DIAPH2: variants seen among roughly 807,000 people sequenced by gnomAD.
The protein encoded by DIAPH2 is protein diaphanous homolog 2.
DIAPH2 carries 35 observed loss-of-function variants against 92.7 expected under a neutral mutation model. That is an observed-to-expected ratio of 0.38 (90% CI 0.29 to 0.50). The LOEUF (loss-of-function observed/expected upper bound fraction) is 0.50, where lower values mean the gene tolerates loss of function less well. DIAPH2 is among the 20% of genes least tolerant of loss of function. The probability of loss-of-function intolerance (pLI) is 0.94; values close to 1 mark genes in which losing one functional copy is unlikely to be tolerated. For synonymous variants in DIAPH2, 301 were observed against 280.4 expected (o/e 1.07, Z -0.73); for missense variants, 701 against 819.5 (o/e 0.86, Z 1.77).
At chrX:97,070,406 A>G (rs781247596) in intron 17 of DIAPH2, among the ~76,000 whole-genome samples, 2 of 112,018 alleles carry the variant, frequency 1.8e-5, no homozygotes, top group South Asian at 7.4e-4. Context: ...ATACAGAATA[A>G]AAGTATCCTA....
At chrX:97,101,888 T>C (rs2066908139) in intron 20 of DIAPH2, among the ~76,000 whole-genome samples, 1 of 112,312 alleles carries the variant, frequency 8.9e-6, no homozygotes. Flanking sequence ...CCAAACACTT[T>C]TTAACCCTTA....
At chrX:97,207,385 C>T (rs772596106) in intron 22 of DIAPH2, among the ~76,000 whole-genome samples, 4 of 111,772 alleles carry the variant, frequency 3.6e-5, no homozygotes, top group Admixed American at 1.9e-4. Flanking sequence ...GTCTGTGGGA[C>T]GTTTGTAACA....
chrX:97,025,965 A>G (rs1025099625), intron 17 of DIAPH2, among the ~76,000 whole-genome samples: 1 of 111,791 alleles, frequency 8.9e-6, no homozygotes, highest in African/African-American at 3.3e-5. Context: ...AACACCAAGT[A>G]TGGCATTACC....
chrX:97,026,186 A>G (rs1351015776), intron 17 of DIAPH2, among the ~76,000 whole-genome samples: 1 of 112,142 alleles, frequency 8.9e-6, no homozygotes, highest in Non-Finnish European at 1.9e-5. Flanking sequence ...AAAAAGCAAG[A>G]TAGTTTATAT....
At chrX:97,518,725 C>T (rs2070969430) in intron 26 of DIAPH2, among the ~76,000 whole-genome samples, 1 of 110,806 alleles carries the variant, frequency 9.0e-6, no homozygotes, top group Non-Finnish European at 1.9e-5. Flanking sequence ...CAGGGAAACT[C>T]CTCAATGAGA....
At chrX:96,923,743 A>C (rs150007017) in intron 9 of DIAPH2, among the ~76,000 whole-genome samples, 3,551 of 110,908 alleles carry the variant, frequency 0.032, 162 homozygotes, top group African/African-American at 0.11. Flanking sequence ...CTGGAATGCA[A>C]ATGATAACAA....
At chrX:97,555,624 G>GA (rs1310339763) in intron 26 of DIAPH2, among the ~76,000 whole-genome samples, 50 of 111,455 alleles carry the variant, frequency 4.5e-4, no homozygotes, top group African/African-American at 1.6e-3. Context: ...GTCAGTATGG[G>GA]AAAAAAGATA....
intron 23 of DIAPH2, among the ~76,000 whole-genome samples, chrX:97,327,107 C>CT (rs1336505797): frequency 9.0e-6 from 1 of 111,395 alleles, no homozygotes; most frequent in Non-Finnish European, 1.9e-5. Context: ...TCTTTCTTGT[C>CT]TTTTTTTTGA....
chrX:97,492,721 A>G (rs933400915), intron 26 of DIAPH2, among the ~76,000 whole-genome samples: 17 of 111,169 alleles, frequency 1.5e-4, no homozygotes, highest in African/African-American at 5.6e-4. Context: ...TTATAAGCTC[A>G]CTGCCTTCTG....
intron 17 of DIAPH2, among the ~76,000 whole-genome samples, chrX:96,982,841 TA>T (rs1396495699): frequency 1.8e-5 from 2 of 112,252 alleles, no homozygotes; most frequent in African/African-American, 6.5e-5. Flanking sequence ...CATTCATTTT[TA>T]ACATTTTCGT....
At chrX:96,977,400 G>A (rs1455493673) in intron 17 of DIAPH2, among the ~76,000 whole-genome samples, 2 of 111,724 alleles carry the variant, frequency 1.8e-5, no homozygotes, top group African/African-American at 3.3e-5. Context: ...CATGTCATTA[G>A]GCATTTGGTA....
chrX:97,247,636 T>G, intron 22 of DIAPH2, 79 bp from the exon 23 acceptor site: 1 of 975,233 alleles, frequency 1.0e-6, no homozygotes, highest in Non-Finnish European at 1.4e-6. Context: ...AAAAAGACTT[T>G]AACTGATAAT....
chrX:96,738,785 ATGT>A, intron 3 of DIAPH2, 23 bp downstream of exon 3: 1 of 1,157,836 alleles, frequency 8.6e-7, no homozygotes, highest in Non-Finnish European at 1.2e-6. Flanking sequence ...CCTAATTTTG[ATGT>A]AATTTTAAAA....
At chrX:96,782,277 TTTTGTTTGTTTG>T (rs562358550) in intron 4 of DIAPH2, among the ~76,000 whole-genome samples, 138 of 109,850 alleles carry the variant, frequency 1.3e-3, no homozygotes, top group African/African-American at 4.4e-3. Context: ...TGTTTTGTAT[TTTTGTTTGTTTG>T]TTTGTTTGTT....
intron 25 of DIAPH2, among the ~76,000 whole-genome samples, chrX:97,417,536 G>A (rs909473412): frequency 4.5e-5 from 5 of 111,370 alleles, no homozygotes; most frequent in African/African-American, 1.6e-4. Context: ...TAGCCTGGGC[G>A]TGGTGTCACC....
intron 4 of DIAPH2, among the ~76,000 whole-genome samples, chrX:96,799,584 C>T (rs1055179905): frequency 3.6e-5 from 4 of 111,537 alleles, no homozygotes; most frequent in Non-Finnish European, 5.7e-5. Flanking sequence ...CTGAGGCAGG[C>T]GGATCACGAG....
At chrX:96,764,043 C>T (rs748835571) in intron 4 of DIAPH2, among the ~76,000 whole-genome samples, 43 of 108,088 alleles carry the variant, frequency 4.0e-4, no homozygotes, top group Non-Finnish European at 6.9e-4. Context: ...TTTTAAAAAT[C>T]GAATATTTAT....
At chrX:97,295,934 G>A (rs1353506688) in intron 23 of DIAPH2, among the ~76,000 whole-genome samples, 1 of 109,995 alleles carries the variant, frequency 9.1e-6, no homozygotes, top group Non-Finnish European at 1.9e-5. Flanking sequence ...GCTTCACCAC[G>A]TTGGCCAGGC....
intron 26 of DIAPH2, among the ~76,000 whole-genome samples, chrX:97,526,095 C>T (rs780575804): frequency 1.8e-5 from 2 of 110,732 alleles, no homozygotes; most frequent in South Asian, 7.6e-4. Context: ...AGAAGTTCAT[C>T]ATCATCTTTA....
Sources: allele counts gnomAD v4.1 joint callset (sites outside exome capture counted in the v4.1 genomes callset), GRCh38; gene constraint gnomAD v4.1.1; transcripts MANE v1.5; gene names NCBI Gene and HGNC (gene_info 2026-07-23, HGNC 2026-07-21).